Variants in SLC39A11 observed in about 807,000 individuals in gnomAD.
SLC39A11 encodes the protein solute carrier family 39 member 11, also known as zinc transporter ZIP11.
Under a neutral mutation model 36.1 loss-of-function variants are expected in SLC39A11, and 33 were observed. The observed-to-expected ratio is 0.91, with a 90% confidence interval of 0.69 to 1.22. SLC39A11 has a LOEUF of 1.22. Among genes scored for constraint, SLC39A11 ranks in the 50% most tolerant of loss-of-function variants. The probability of loss-of-function intolerance (pLI) is 0.00; values close to 1 mark genes in which losing one functional copy is unlikely to be tolerated. For missense variants in SLC39A11, 432 were observed against 430.3 expected, an observed-to-expected ratio of 1.00 and a Z score of -0.03; for synonymous variants, 166 against 170.3, an observed-to-expected ratio of 0.97 and a Z score of 0.20.
intron 5 of SLC39A11, among the ~76,000 whole-genome samples, chr17:72,864,658 A>G (rs1170534766): frequency 6.6e-6 from 1 of 152,226 alleles, no homozygotes; most frequent in Non-Finnish European, 1.5e-5. Context: ...TAATCCAAAA[A>G]TATTCACTGA....
At chr17:72,848,529 G>C (rs568598884) in intron 6 of SLC39A11, among the ~76,000 whole-genome samples, 25 of 152,202 alleles carry the variant, frequency 1.6e-4, no homozygotes, top group Middle Eastern at 3.4e-3. Flanking sequence ...AGACCAGCCT[G>C]GCCAACATGG....
At chr17:72,944,513 T>TA (rs1224553967) in intron 5 of SLC39A11, among the ~76,000 whole-genome samples, 1 of 150,098 alleles carries the variant, frequency 6.7e-6, no homozygotes, top group Non-Finnish European at 1.5e-5. Context: ...AAATATAACT[T>TA]ATAGTCCCTT....
intron 7 of SLC39A11, among the ~76,000 whole-genome samples, chr17:72,729,394 CA>C (rs1441526023): frequency 1.9e-5 from 2 of 105,038 alleles, no homozygotes; most frequent in Non-Finnish European, 3.9e-5. Context: ...CATGCCACCC[CA>C]CCTGGCTATT....
At position 72,743,199 on chromosome 17, in the gene SLC39A11, G is replaced by C. The variant is rs186000070; in HGVS notation, c.602-6480C>G. ...CTGCCCTAGGTGACCCAGCTGGGGG[G>C]GCTAGAGCTGGGCCGTAAACCGCAG... On this transcript the variant is annotated intron_variant, in intron 6 of 9. Coordinates refer to ENST00000255559, the MANE Select transcript of SLC39A11 (RefSeq NM_139177.4). 6.6e-3 allele frequency among the ~76,000 whole-genome samples: 1,008 copies of C among 152,262 alleles called. 11 individuals are homozygous for C. Among genetic ancestry groups the C allele is most frequent in the Middle Eastern group, 0.01 (3 of 294 alleles).
At chr17:72,756,106 A>C (rs2075357736) in intron 6 of SLC39A11, among the ~76,000 whole-genome samples, 1 of 152,238 alleles carries the variant, frequency 6.6e-6, no homozygotes, top group Non-Finnish European at 1.5e-5. Context: ...GGTAGGAATG[A>C]AAAATGGCAC....
intron 6 of SLC39A11, among the ~76,000 whole-genome samples, chr17:72,783,201 T>C (rs2076387784): frequency 6.7e-6 from 1 of 149,534 alleles, no homozygotes; most frequent in African/African-American, 2.6e-5. Flanking sequence ...CACCAGACAC[T>C]GAATCTGAAT....
intron 3 of SLC39A11, among the ~76,000 whole-genome samples, chr17:73,034,937 T>C (rs1256695679): frequency 6.6e-6 from 1 of 152,162 alleles, no homozygotes; most frequent in Non-Finnish European, 1.5e-5. Flanking sequence ...CTGATTCAGG[T>C]AAGCCCCCTT....
chr17:72,743,423 GTTCACAAATGAGCA>G (rs1314950133), intron 6 of SLC39A11, among the ~76,000 whole-genome samples: 5 of 152,196 alleles, frequency 3.3e-5, no homozygotes, highest in African/African-American at 1.2e-4. Flanking sequence ...GGGGACAAAA[GTTCACAAATGAGCA>G]TTCTGTGATG....
intron 4 of SLC39A11, among the ~76,000 whole-genome samples, chr17:72,996,353 T>C (rs1406573089): frequency 1.3e-5 from 2 of 152,204 alleles, no homozygotes; most frequent in African/African-American, 4.8e-5. Flanking sequence ...TCCTACTTTA[T>C]TGGTTTTCTA....
intron 4 of SLC39A11, among the ~76,000 whole-genome samples, chr17:73,024,037 C>CATACATA: frequency 6.6e-6 from 1 of 152,210 alleles, no homozygotes; most frequent in South Asian, 2.1e-4. Context: ...ATTGTTTAAG[C>CATACATA]CAACCCTGTA....
rs1234572830 is a variant in SLC39A11, at chr17:73,004,203, G to GAA, written c.306+27351_306+27352dup. 2.4e-5 allele frequency among the ~76,000 whole-genome samples: 3 copies of GAA among 123,446 alleles called. 1 individual carries two copies. The highest frequency in any genetic ancestry group is 8.5e-5 in the Admixed American group (1 of 11,768). 81.0% of individuals were successfully genotyped at this position (123,446 alleles called of 152,430 possible). ...AGAAAGAAAGAAAGAAAGAAAGAAA[G>GAA]AAAGAAAGAAAGAAAGAAAGAAAGA... On this transcript the variant is annotated intron_variant, in intron 4 of 9. Transcript: ENST00000255559.
chr17:73,048,336 C>T (rs1256936650), intron 3 of SLC39A11, among the ~76,000 whole-genome samples: 1 of 152,138 alleles, frequency 6.6e-6, no homozygotes, highest in Non-Finnish European at 1.5e-5. Flanking sequence ...TGGCCTCCAG[C>T]TCCATCCATG....
In SLC39A11 at chr17:72,675,926, G is replaced by A. The variant is rs542470174; in HGVS notation, c.672-26658C>T. ...ACTCCTAAGCTCAGGTAATCCACCT[G>A]CCTTGGCCTCCCAAAGTGCTGGGAT... On this transcript the variant is annotated intron_variant, in intron 7 of 9. Coordinates refer to ENST00000255559, the MANE Select transcript of SLC39A11 (RefSeq NM_139177.4). Among the ~76,000 whole-genome samples the A allele has an allele frequency of 8.2e-4, 125 of 152,216 alleles. 1 individual carries two copies. Among genetic ancestry groups the A allele is most frequent in the African/African-American group, 2.9e-3 (120 of 41,554 alleles).
At chr17:72,666,849 C>T (rs2070777729) in intron 7 of SLC39A11, among the ~76,000 whole-genome samples, 1 of 152,220 alleles carries the variant, frequency 6.6e-6, no homozygotes, top group African/African-American at 2.4e-5. Flanking sequence ...TGACAACCAG[C>T]TTGGGATTCC....
intron 4 of SLC39A11, among the ~76,000 whole-genome samples, chr17:72,961,352 C>A (rs538820680): frequency 6.8e-6 from 1 of 147,338 alleles, no homozygotes; most frequent in African/African-American, 2.5e-5. Context: ...GGATCTAGAC[C>A]AGAAATACCA....
chr17:73,046,073 G>A lies in SLC39A11; in HGVS notation c.148-14359C>T, dbSNP rs147641341. ...TTGAAGGAGAAGAGAAGACTCGGCA[G>A]TCTGGCTCCACTGATACAAAACGCA... On this transcript the variant is annotated intron_variant, in intron 3 of 9. Transcript: ENST00000255559. Among the ~76,000 whole-genome samples, 629 of 152,296 alleles carry A rather than the reference G, an allele frequency of 4.1e-3. 4 individuals are homozygous for A. Among genetic ancestry groups the A allele is most frequent in the African/African-American group, 0.015 (605 of 41,564 alleles).
chr17:72,826,195 A>G (rs2078021853), intron 6 of SLC39A11, among the ~76,000 whole-genome samples: 1 of 152,102 alleles, frequency 6.6e-6, no homozygotes, highest in Non-Finnish European at 1.5e-5. Flanking sequence ...GATAGTGAAT[A>G]TGTTCTCATG....
chr17:72,951,620 A>G (rs956252385), intron 4 of SLC39A11, among the ~76,000 whole-genome samples: 3 of 152,170 alleles, frequency 2.0e-5, no homozygotes, highest in Admixed American at 1.3e-4. Context: ...TCAGGTAGTG[A>G]TAATGCCAAA....
At chr17:72,919,667 G>A (rs563211304) in intron 5 of SLC39A11, among the ~76,000 whole-genome samples, 7 of 97,706 alleles carry the variant, frequency 7.2e-5, no homozygotes, top group Middle Eastern at 5.2e-3. Context: ...GGGAGAGTCC[G>A]TCAAAAAAAA....
Sources: allele counts gnomAD v4.1 joint callset (sites outside exome capture counted in the v4.1 genomes callset), GRCh38; gene constraint gnomAD v4.1.1; transcripts MANE v1.5; gene names NCBI Gene and HGNC (gene_info 2026-07-23, HGNC 2026-07-21).